Variants in PTPRD observed in about 807,000 individuals in gnomAD.
PTPRD encodes the protein protein tyrosine phosphatase receptor type D.
Under a neutral mutation model 214.5 loss-of-function variants are expected in PTPRD, and 34 were observed. That is an observed-to-expected ratio of 0.16 (90% confidence interval 0.12 to 0.21). The LOEUF (loss-of-function observed/expected upper bound fraction) is 0.21. PTPRD is among the 10% of genes least tolerant of loss of function. The pLI, the probability that PTPRD is intolerant of heterozygous loss-of-function variation, is 1.00. For missense variants in PTPRD, 2,545 were observed against 2,398.7 expected (o/e 1.06, Z -1.27); for synonymous variants, 1,128 against 845.7 (o/e 1.33, Z -5.79).
intron 2 of PTPRD, among the ~76,000 whole-genome samples, chr9:10,473,327 C>T (rs1469594507): frequency 1.3e-5 from 2 of 152,030 alleles, no homozygotes; most frequent in South Asian, 2.1e-4. Flanking sequence ...CACATCTTCC[C>T]CTCAAAATCT....
At chr9:10,373,729 A>G (rs922738191) in intron 2 of PTPRD, among the ~76,000 whole-genome samples, 3 of 151,992 alleles carry the variant, frequency 2.0e-5, no homozygotes, top group African/African-American at 7.2e-5. Flanking sequence ...CTTGAGACAT[A>G]CCACCTTTAC....
intron 39 of PTPRD, among the ~76,000 whole-genome samples, chr9:8,358,267 TC>T (rs976203761): frequency 6.6e-6 from 1 of 151,616 alleles, no homozygotes; most frequent in Admixed American, 6.6e-5. Context: ...ACTTTAAAAT[TC>T]CCCCCATCAT....
At chr9:8,854,901 C>T (rs2097886230) in intron 11 of PTPRD, among the ~76,000 whole-genome samples, 1 of 152,028 alleles carries the variant, frequency 6.6e-6, no homozygotes, top group East Asian at 1.9e-4. Context: ...ATTAATGTTC[C>T]TTCTTGTTTA....
intron 3 of PTPRD, among the ~76,000 whole-genome samples, chr9:10,185,029 AAGG>A (rs1200300029): frequency 6.6e-6 from 1 of 152,202 alleles, no homozygotes; most frequent in Non-Finnish European, 1.5e-5. Flanking sequence ...TTCCCAAGTC[AAGG>A]AGATTAATGC....
intron 11 of PTPRD, among the ~76,000 whole-genome samples, chr9:8,887,569 G>A (rs150909905): frequency 1.6e-4 from 24 of 152,172 alleles, no homozygotes; most frequent in African/African-American, 3.4e-4. Context: ...TAAAAAATAC[G>A]TTGCCCTATA....
chr9:8,906,577 T>A (rs2098709386), intron 11 of PTPRD, among the ~76,000 whole-genome samples: 1 of 152,188 alleles, frequency 6.6e-6, no homozygotes, highest in Non-Finnish European at 1.5e-5. Flanking sequence ...TACAAAAATG[T>A]AAAAAGTAAC....
chr9:9,763,903 A>T (rs1358951141), intron 6 of PTPRD, among the ~76,000 whole-genome samples: 1 of 151,924 alleles, frequency 6.6e-6, no homozygotes, highest in Non-Finnish European at 1.5e-5. Context: ...ACGACCTCTC[A>T]CCCTCATGCC....
chr9:10,207,784 G>A (rs188931972), intron 3 of PTPRD, among the ~76,000 whole-genome samples: 91 of 151,250 alleles, frequency 6.0e-4, no homozygotes, highest in African/African-American at 2.2e-3. Flanking sequence ...GAGTATAAAT[G>A]TCAAAAAAAA....
intron 35 of PTPRD, among the ~76,000 whole-genome samples, chr9:8,419,816 T>C (rs1373347242): frequency 1.3e-5 from 2 of 152,068 alleles, no homozygotes; most frequent in Non-Finnish European, 1.5e-5. Context: ...TTATTTCACA[T>C]ACATTCAAGT....
intron 7 of PTPRD, among the ~76,000 whole-genome samples, chr9:9,627,254 C>T (rs1481764293): frequency 3.3e-5 from 5 of 152,158 alleles, no homozygotes; most frequent in Non-Finnish European, 5.9e-5. Context: ...TTGCACTGAG[C>T]CGAGATTGGG....
chr9:8,961,002 C>G (rs1185993735), intron 11 of PTPRD, among the ~76,000 whole-genome samples: 2 of 152,028 alleles, frequency 1.3e-5, no homozygotes, highest in Non-Finnish European at 2.9e-5. Context: ...TTAAGGCACT[C>G]ATTGTCTACT....
chr9:9,999,897 T>C (rs564446071), intron 4 of PTPRD, among the ~76,000 whole-genome samples: 1 of 152,336 alleles, frequency 6.6e-6, no homozygotes, highest in East Asian at 1.9e-4. Context: ...TCTTGTTTGG[T>C]AAATTCTTGT....
intron 4 of PTPRD, among the ~76,000 whole-genome samples, chr9:9,945,758 T>TTTA (rs995388724): frequency 3.3e-5 from 5 of 152,098 alleles, no homozygotes; most frequent in African/African-American, 1.2e-4. Flanking sequence ...GTCAACCAGA[T>TTTA]TTATGCTGAA....
At chr9:9,205,274 C>T (rs1198799259) in intron 9 of PTPRD, among the ~76,000 whole-genome samples, 1 of 152,108 alleles carries the variant, frequency 6.6e-6, no homozygotes, top group Non-Finnish European at 1.5e-5. Context: ...TTAATTCAGA[C>T]AACTTAAACC....
chr9:8,352,933 A>G (rs939841826), intron 39 of PTPRD, among the ~76,000 whole-genome samples: 1 of 152,130 alleles, frequency 6.6e-6, no homozygotes, highest in Non-Finnish European at 1.5e-5. Context: ...CAACATGGTG[A>G]AACCCCGTCT....
intron 9 of PTPRD, among the ~76,000 whole-genome samples, chr9:9,252,768 T>C (rs909440908): frequency 6.6e-6 from 1 of 152,092 alleles, no homozygotes; most frequent in African/African-American, 2.4e-5. Flanking sequence ...TAAACACCTC[T>C]TCTGGGTTAT....
In PTPRD at chr9:10,435,311, T is replaced by C. The variant is rs528340420; in HGVS notation, c.-599-94294A>G. On this transcript the variant is annotated intron_variant, in intron 2 of 45. Coordinates refer to ENST00000381196, the MANE Select transcript of PTPRD (RefSeq NM_002839.4). ...CTGTCTTTACAACATTGTAATAAGG[T>C]ATCCTAATAGCACTTTACACGACTC... Among the ~76,000 whole-genome samples the C allele has an allele frequency of 4.6e-5, 7 of 152,004 alleles. No homozygotes were observed. The South Asian group carries it at 1.5e-3, about 31-fold the overall frequency.
chr9:9,675,588 T>C (rs2096913653), intron 7 of PTPRD, among the ~76,000 whole-genome samples: 1 of 151,762 alleles, frequency 6.6e-6, no homozygotes, highest in African/African-American at 2.4e-5. Context: ...AAAATAACAT[T>C]TTAAAGCAAT....
chr9:10,202,466 G>A (rs543844010), intron 3 of PTPRD, among the ~76,000 whole-genome samples: 29 of 146,138 alleles, frequency 2.0e-4, no homozygotes, highest in African/African-American at 7.6e-4. Flanking sequence ...CATTAGAAAG[G>A]ATACTAAATA....
Sources: allele counts gnomAD v4.1 joint callset (sites outside exome capture counted in the v4.1 genomes callset), GRCh38; gene constraint gnomAD v4.1.1; transcripts MANE v1.5; gene names NCBI Gene and HGNC (gene_info 2026-07-23, HGNC 2026-07-21).